RAD51B: variants seen among roughly 807,000 people sequenced by gnomAD.
The protein encoded by RAD51B is DNA repair protein RAD51 homolog 2.
A neutral mutation model predicts 42.2 loss-of-function variants in RAD51B; 38 were observed. The observed-to-expected ratio is 0.90, with a 90% CI of 0.70 to 1.18. The LOEUF (loss-of-function observed/expected upper bound fraction) is 1.18, where lower values mean the gene tolerates loss of function less well. RAD51B is among the 50% of genes most tolerant of loss of function. RAD51B has a pLI of 0.00. For missense variants in RAD51B, 373 were observed against 400.7 expected, an observed-to-expected ratio of 0.93 and a Z score of 0.59; for synonymous variants, 154 against 145.2, an observed-to-expected ratio of 1.06 and a Z score of -0.43.
intron 7 of RAD51B, among the ~76,000 whole-genome samples, chr14:67,998,599 C>T (rs76554214): frequency 0.023 from 3,485 of 152,164 alleles, 50 homozygotes; most frequent in Non-Finnish European, 0.03. Context: ...TATTACATGG[C>T]AAAGTTATCT....
At chr14:68,637,228 G>T (rs553991815) in intron 10 of RAD51B, among the ~76,000 whole-genome samples, 1 of 152,108 alleles carries the variant, frequency 6.6e-6, no homozygotes, top group Non-Finnish European at 1.5e-5. Context: ...TATAACCATG[G>T]CCATCACACC....
chr14:67,859,889 C>T (rs1433590058), intron 4 of RAD51B, among the ~76,000 whole-genome samples: 7 of 152,028 alleles, frequency 4.6e-5, no homozygotes, highest in Admixed American at 3.3e-4. Flanking sequence ...GACGCGATCT[C>T]GGCTCACTGC....
chr14:68,594,959 C>A, exon 11 of RAD51B: 1 of 1,079,152 alleles, frequency 9.3e-7, no homozygotes, highest in South Asian at 4.1e-5. Context: ...AACTAAGGCA[C>A]CCCGCCACCC....
intron 11 of RAD51B, among the ~76,000 whole-genome samples, chr14:68,677,234 C>CT (rs1213949871): frequency 6.6e-6 from 1 of 152,160 alleles, no homozygotes; most frequent in East Asian, 1.9e-4. Context: ...CAGGCTCACC[C>CT]TGGGGAACAA....
chr14:68,146,319 G>A (rs569522292), intron 7 of RAD51B, among the ~76,000 whole-genome samples: 36 of 152,126 alleles, frequency 2.4e-4, no homozygotes, highest in Middle Eastern at 3.4e-3. Flanking sequence ...ATATGATGAC[G>A]TGCACCTGTA....
intron 9 of RAD51B, among the ~76,000 whole-genome samples, chr14:68,449,979 A>G (rs1037530046): frequency 5.9e-5 from 9 of 152,182 alleles, no homozygotes; most frequent in Admixed American, 5.9e-4. Context: ...TACTTCTAAA[A>G]CATGATTAAC....
intron 7 of RAD51B, among the ~76,000 whole-genome samples, chr14:68,190,292 T>C (rs2079238418): frequency 6.6e-6 from 1 of 152,230 alleles, no homozygotes; most frequent in African/African-American, 2.4e-5. Flanking sequence ...CTGGTCCAGG[T>C]ACTTTTTTTG....
chr14:68,569,737 C>T (rs889876406), intron 10 of RAD51B, among the ~76,000 whole-genome samples: 1 of 152,200 alleles, frequency 6.6e-6, no homozygotes, highest in Admixed American at 6.5e-5. Flanking sequence ...GACAGCACCA[C>T]GGGCTCTCGG....
chr14:68,312,534 C>T (rs2081983945), intron 8 of RAD51B, among the ~76,000 whole-genome samples: 1 of 152,070 alleles, frequency 6.6e-6, no homozygotes, highest in East Asian at 1.9e-4. Flanking sequence ...CTTTTTTTCC[C>T]TGAACAAAGG....
intron 7 of RAD51B, among the ~76,000 whole-genome samples, chr14:68,152,238 A>G (rs956596193): frequency 6.6e-6 from 1 of 152,196 alleles, no homozygotes; most frequent in Non-Finnish European, 1.5e-5. Context: ...TGCTGTGGTA[A>G]GAACACAGAG....
intron 7 of RAD51B, among the ~76,000 whole-genome samples, chr14:67,940,036 A>ACG: frequency 1.1e-4 from 1 of 8,936 alleles, no homozygotes; most frequent in Non-Finnish European, 3.6e-4. Context: ...ATATATATAT[A>ACG]TATATATATA....
chr14:68,447,931 G>C (rs2085460405), intron 9 of RAD51B, among the ~76,000 whole-genome samples: 1 of 152,180 alleles, frequency 6.6e-6, no homozygotes. Context: ...TGGTCATTTA[G>C]CAAGCTGATA....
downstream of RAD51B, among the ~76,000 whole-genome samples, chr14:68,600,012 A>G (rs2331776): frequency 0.35 from 52,478 of 151,990 alleles, 9,466 homozygotes; most frequent in Non-Finnish European, 0.39. Flanking sequence ...CCAAACCCCC[A>G]TCGAAACCCA....
intron 7 of RAD51B, among the ~76,000 whole-genome samples, chr14:68,239,438 CAG>C (rs1320131648): frequency 6.6e-6 from 1 of 152,174 alleles, no homozygotes; most frequent in Admixed American, 6.5e-5. Flanking sequence ...GCTGATCCTC[CAG>C]AGACGGAAGC....
chr14:68,161,969 G>A (rs1433832867), intron 7 of RAD51B, among the ~76,000 whole-genome samples: 1 of 152,154 alleles, frequency 6.6e-6, no homozygotes, highest in Non-Finnish European at 1.5e-5. Context: ...ACTGTATAGA[G>A]GCTAGGATGC....
At chr14:68,041,919 T>G (rs2076224243) in intron 7 of RAD51B, among the ~76,000 whole-genome samples, 1 of 152,224 alleles carries the variant, frequency 6.6e-6, no homozygotes, top group African/African-American at 2.4e-5. Context: ...ATTGTAAGTT[T>G]AATATAAGCA....
At chr14:68,545,734 G>A (rs1422250348) in intron 10 of RAD51B, 2 of 428,090 alleles carry the variant, frequency 4.7e-6, no homozygotes, top group Non-Finnish European at 9.4e-6. Flanking sequence ...AAGAGTGAAG[G>A]GCTTGGGATT....
chr14:67,963,162 C>T (rs897412102), intron 7 of RAD51B, among the ~76,000 whole-genome samples: 27 of 151,986 alleles, frequency 1.8e-4, no homozygotes, highest in South Asian at 1.7e-3. Flanking sequence ...TAATCTCATC[C>T]CAGAAAGAAT....
rs566490179 is a variant in RAD51B at position 68,183,963 on chromosome 14, G to A, written c.757-107921G>A. Among the ~76,000 whole-genome samples, 14 of 111,108 alleles carry A rather than the reference G, an allele frequency of 1.3e-4. No individual in the cohort carries two copies. In the East Asian group the frequency reaches 3.8e-3, roughly 30 times the overall value. The allele number at this position is 111,108 out of a possible 152,430, so 72.9% of individuals were successfully genotyped here. On this transcript the variant is annotated intron_variant, in intron 7 of 10. Transcript: ENST00000471583. ...AAAAATTAGGCGGGCGTGGTGGCGG[G>A]CACCTGTAGTCCCAGCTACTCGGGG...
Sources: gnomAD v4.1 joint callset for allele counts (sites outside exome capture counted in the v4.1 genomes callset) on GRCh38, gnomAD v4.1.1 for gene constraint, MANE v1.5 for transcripts, NCBI Gene and HGNC (gene_info 2026-07-23, HGNC 2026-07-21) for gene names.